HIVEP1: variants seen among roughly 807,000 people sequenced by gnomAD.
HIVEP1 encodes the protein zinc finger protein 40.
Under a neutral mutation model 180.0 loss-of-function variants are expected in HIVEP1, and 36 were observed. The ratio of observed to expected loss-of-function variants is 0.20; its 90% CI spans 0.15 to 0.26. The LOEUF is 0.26. HIVEP1 is among the 10% of genes least tolerant of loss of function. The pLI, the probability that HIVEP1 is intolerant of heterozygous loss-of-function variation, is 1.00. For missense variants in HIVEP1, 3,143 were observed against 3,268.7 expected (o/e 0.96, Z 0.94); for synonymous variants, 1,239 against 1,239.0 (o/e 1.00, Z 0.00).
intron 2 of HIVEP1, among the ~76,000 whole-genome samples, chr6:12,086,515 G>C (rs1425511061): frequency 6.6e-6 from 1 of 152,118 alleles, no homozygotes; most frequent in Non-Finnish European, 1.5e-5. Flanking sequence ...GGATGTCTTA[G>C]AGTCTAACAT....
At chr6:12,183,974 AAGATAGATAGATAGATAGATAGAT>A in the HIVEP1 span, among the ~76,000 whole-genome samples, 1 of 134,792 alleles carries the variant, frequency 7.4e-6, no homozygotes, top group Non-Finnish European at 1.6e-5. Flanking sequence ...TCACATTGTA[AAGATAGATAGATAGATAGATAGAT>A]AGATAGATAG....
upstream of HIVEP1, chr6:12,011,882 ACGCGTCGCCGCCCG>A (rs1767346761): frequency 1.0e-4 from 1 of 9,680 alleles, no homozygotes; most frequent in Non-Finnish European, 2.3e-4. Context: ...TCCCCCGCCC[ACGCGTCGCCGCCCG>A]CGGCCTCCCC....
chr6:12,078,211 A>G (rs1401290907), intron 2 of HIVEP1, among the ~76,000 whole-genome samples: 1 of 152,124 alleles, frequency 6.6e-6, no homozygotes, highest in Non-Finnish European at 1.5e-5. Flanking sequence ...TATAATAGCT[A>G]AAAAACATAG....
Position 12,123,282 on chromosome 6 carries a change from C to G in HIVEP1, c.3487C>G (p.Gln1163Glu). ...TGAAAGAGCCTCCCCAGTTTCTTTCCAGGAGCTGAATAGAACGGGGAAGTC... is the reference window on the plus strand; with the variant it reads ...TGAAAGAGCCTCCCCAGTTTCTTTCGAGGAGCTGAATAGAACGGGGAAGTC... ...PFERASPVSF[Q>E]ELNRTGKSGS... Residue 1163 changes from glutamine to glutamate, a missense_variant, in exon 4 of 9, where the codon CAG becomes GAG. Physicochemically the swap from Gln to Glu is conservative, Grantham distance 29 (BLOSUM62 2). Around this residue, in one of 12 missense-constraint regions of HIVEP1, gnomAD observed 1,357 missense variants for 1,260.5 expected, o/e 1.08. Transcript: ENST00000379388. 6.2e-7 allele frequency: 1 copy of G among 1,614,130 alleles called. No individual in the cohort carries two copies. Among genetic ancestry groups the G allele is most frequent in the Non-Finnish European group, 8.5e-7 (1 of 1,180,012 alleles).
chr6:12,113,403 A>G (rs1410193777), intron 3 of HIVEP1, among the ~76,000 whole-genome samples: 2 of 151,900 alleles, frequency 1.3e-5, no homozygotes, highest in Non-Finnish European at 2.9e-5. Context: ...GGCAGCAACG[A>G]GATGGGGCAG....
the HIVEP1 span, among the ~76,000 whole-genome samples, chr6:12,170,328 G>C: frequency 6.6e-6 from 1 of 151,966 alleles, no homozygotes; most frequent in Non-Finnish European, 1.5e-5. Flanking sequence ...AAGAGAATGA[G>C]ACATTTAAAT....
At chr6:12,189,179 T>C in the HIVEP1 span, among the ~76,000 whole-genome samples, 1 of 152,004 alleles carries the variant, frequency 6.6e-6, no homozygotes, top group African/African-American at 2.4e-5. Context: ...AAAATAAATT[T>C]CAGATTGATT....
At chr6:12,119,697 A>T (rs577359217) in intron 3 of HIVEP1, among the ~76,000 whole-genome samples, 193 bp from the exon 4 acceptor site, 1 of 152,236 alleles carries the variant, frequency 6.6e-6, no homozygotes, top group Non-Finnish European at 1.5e-5. Context: ...GAGTGTTTCA[A>T]TAGATTTTGA....
the HIVEP1 span, among the ~76,000 whole-genome samples, chr6:12,205,997 G>A: frequency 1.3e-5 from 2 of 152,192 alleles, no homozygotes; most frequent in African/African-American, 2.4e-5. Flanking sequence ...ATGTGTGGAA[G>A]TCCTAATACC....
At chr6:12,050,045 A>T (rs1473051183) in intron 2 of HIVEP1, among the ~76,000 whole-genome samples, 1 of 152,190 alleles carries the variant, frequency 6.6e-6, no homozygotes, top group Non-Finnish European at 1.5e-5. Context: ...CCTAAGAAAG[A>T]CAAAGCCTCC....
chr6:12,008,172 G>C (rs998740295), upstream of HIVEP1: 2 of 152,194 alleles, frequency 1.3e-5, no homozygotes, highest in Admixed American at 1.3e-4. Context: ...TTTTCATAAC[G>C]TGAGGGGAAA....
At chr6:12,173,657 T>C in the HIVEP1 span, among the ~76,000 whole-genome samples, 1 of 152,082 alleles carries the variant, frequency 6.6e-6, no homozygotes, top group Non-Finnish European at 1.5e-5. Flanking sequence ...TATATATCTG[T>C]GGGCTTGAAA....
At chr6:12,072,996 G>A (rs60982132) in intron 2 of HIVEP1, among the ~76,000 whole-genome samples, 122 of 151,840 alleles carry the variant, frequency 8.0e-4, no homozygotes, top group Non-Finnish European at 1.5e-3. Context: ...TGTGATTTGC[G>A]TGCCTAATAA....
intron 7 of HIVEP1, among the ~76,000 whole-genome samples, chr6:12,159,529 G>A (rs1318987147): frequency 6.6e-6 from 1 of 152,106 alleles, no homozygotes; most frequent in Non-Finnish European, 1.5e-5. Flanking sequence ...CCTCAGCCAG[G>A]GCGGAGGCTC....
chr6:12,011,608 C>T (rs1767311835), upstream of HIVEP1, among the ~76,000 whole-genome samples: 1 of 149,396 alleles, frequency 6.7e-6, no homozygotes, highest in Non-Finnish European at 1.5e-5. Flanking sequence ...CCTCCCGCGT[C>T]CCCCTCCCGT....
intron 2 of HIVEP1, among the ~76,000 whole-genome samples, chr6:12,062,193 A>C (rs1260629501): frequency 6.6e-6 from 1 of 152,200 alleles, no homozygotes; most frequent in Non-Finnish European, 1.5e-5. Context: ...TAGAATGTTC[A>C]GATTTACTTA....
chr6:12,098,165 A>G lies in HIVEP1; in HGVS notation c.94+8928A>G, dbSNP rs1006357445. On this transcript the variant is annotated intron_variant, in intron 3 of 8. Transcript: ENST00000379388. ...GCTCTTATAATTGATTAGAAGATGC[A>G]TCCTGATTTTAGAGGGATTAAAATG... Among the ~76,000 whole-genome samples, 5 of 152,216 alleles carry G rather than the reference A, an allele frequency of 3.3e-5. No homozygotes were observed. The South Asian group carries it at 1.0e-3, about 31-fold the overall frequency.
the HIVEP1 span, among the ~76,000 whole-genome samples, chr6:12,184,039 A>G: frequency 4.2e-5 from 6 of 142,892 alleles, no homozygotes; most frequent in East Asian, 7.7e-4. Context: ...ACAGACAGAC[A>G]GACAGACAGA....
the HIVEP1 span, among the ~76,000 whole-genome samples, chr6:12,189,024 T>C: frequency 0.14 from 21,970 of 151,914 alleles, 2,023 homozygotes; most frequent in Middle Eastern, 0.22. Context: ...TAGATAAATA[T>C]ATGTTGAATG....
Sources: allele counts gnomAD v4.1 joint callset (sites outside exome capture counted in the v4.1 genomes callset), GRCh38; gene constraint gnomAD v4.1.1; regional missense constraint gnomAD v4.1.1; transcripts MANE v1.5; gene names NCBI Gene and HGNC (gene_info 2026-07-23, HGNC 2026-07-21).